The following OR1J2 variants were observed in gnomAD, a reference collection of about 807,000 sequenced individuals.
OR1J2 encodes olfactory receptor family 1 subfamily J member 2.
For missense variants in OR1J2, 304 were observed against 246.1 expected (o/e 1.24, Z -1.57); for synonymous variants, 142 against 99.7 (o/e 1.42, Z -2.52).
the OR1J2 span, among the ~76,000 whole-genome samples, chr9:122,532,791 G>T: frequency 1.3e-5 from 2 of 152,258 alleles, no homozygotes; most frequent in Admixed American, 6.5e-5. Context: ...AGGCTACAGG[G>T]TGCGGTCCCG....
chr9:122,457,952 A>C, the OR1J2 span, among the ~76,000 whole-genome samples: 2 of 152,212 alleles, frequency 1.3e-5, no homozygotes, highest in African/African-American at 2.4e-5. Flanking sequence ...TCTTATACTT[A>C]AGACTGTACA....
At chr9:122,451,109 G>T in the OR1J2 span, among the ~76,000 whole-genome samples, 3 of 150,562 alleles carry the variant, frequency 2.0e-5, no homozygotes, top group African/African-American at 7.3e-5. Flanking sequence ...ATCTTTTTTA[G>T]TTGGACTATC....
the OR1J2 span, among the ~76,000 whole-genome samples, chr9:122,570,349 A>G: frequency 3.9e-5 from 6 of 152,178 alleles, no homozygotes; most frequent in African/African-American, 1.4e-4. Context: ...CTGTGAAACA[A>G]CTTCTTTACA....
chr9:122,456,427 G>A, the OR1J2 span, among the ~76,000 whole-genome samples: 3 of 152,136 alleles, frequency 2.0e-5, no homozygotes, highest in African/African-American at 7.2e-5. Context: ...AATCTGCCAA[G>A]ACAGGGGAAC....
the OR1J2 span, among the ~76,000 whole-genome samples, chr9:122,517,956 A>G: frequency 1.3e-5 from 2 of 152,116 alleles, no homozygotes; most frequent in African/African-American, 4.8e-5. Context: ...AAGTGAGAAC[A>G]TGTGTTGTTT....
At chr9:122,453,750 C>T in the OR1J2 span, among the ~76,000 whole-genome samples, 1 of 152,222 alleles carries the variant, frequency 6.6e-6, no homozygotes, top group East Asian at 1.9e-4. Flanking sequence ...TTTCCAAACA[C>T]ATTACCATAT....
the OR1J2 span, chr9:122,553,347 C>A: frequency 3.1e-6 from 5 of 1,613,990 alleles, no homozygotes; most frequent in East Asian, 4.5e-5. Flanking sequence ...GGTGGGGAAC[C>A]TGCTCATTAT....
the OR1J2 span, among the ~76,000 whole-genome samples, chr9:122,458,604 C>G: frequency 2.6e-5 from 4 of 152,194 alleles, no homozygotes; most frequent in Non-Finnish European, 5.9e-5. Context: ...ATAAAACCAT[C>G]GTATCTCGTG....
chr9:122,516,176 T>C (rs892695180), downstream of OR1J2, among the ~76,000 whole-genome samples: 1 of 152,144 alleles, frequency 6.6e-6, no homozygotes, highest in Admixed American at 6.5e-5. Flanking sequence ...CTTCAAAACC[T>C]GTGCTTTGTC....
the OR1J2 span, among the ~76,000 whole-genome samples, chr9:122,487,076 A>G: frequency 3.3e-5 from 5 of 152,146 alleles, no homozygotes; most frequent in East Asian, 5.8e-4. Context: ...GTTGATACCT[A>G]TATTCCATCA....
chr9:122,473,066 T>C, the OR1J2 span, among the ~76,000 whole-genome samples: 7 of 152,210 alleles, frequency 4.6e-5, no homozygotes, highest in Admixed American at 3.3e-4. Context: ...CTTTATCTTA[T>C]CCATTTCTTT....
At chr9:122,500,066 A>C in the OR1J2 span, among the ~76,000 whole-genome samples, 30 of 152,346 alleles carry the variant, frequency 2.0e-4, no homozygotes, top group East Asian at 5.6e-3. Context: ...GTTCTAGAGC[A>C]GGTGCTCCAA....
the OR1J2 span, chr9:122,527,114 G>A: frequency 6.2e-7 from 1 of 1,614,212 alleles, no homozygotes; most frequent in Non-Finnish European, 8.5e-7. Flanking sequence ...GGTTGGCCAA[G>A]AAAAAGTACA....
the OR1J2 span, among the ~76,000 whole-genome samples, chr9:122,554,882 A>G: frequency 3.3e-5 from 5 of 152,224 alleles, no homozygotes; most frequent in Non-Finnish European, 7.3e-5. Flanking sequence ...TAACTACACC[A>G]TCCGTTCTCT....
chr9:122,567,738 G>A, the OR1J2 span: 13 of 1,614,108 alleles, frequency 8.1e-6, no homozygotes, highest in African/African-American at 6.7e-5. Context: ...CGTCACCACG[G>A]TGAGGTAAAA....
At chr9:122,537,203 C>T in the OR1J2 span, among the ~76,000 whole-genome samples, 1 of 152,248 alleles carries the variant, frequency 6.6e-6, no homozygotes, top group Non-Finnish European at 1.5e-5. Flanking sequence ...GGTGGTACGT[C>T]ACAGGGGCTG....
the OR1J2 span, among the ~76,000 whole-genome samples, chr9:122,517,776 T>TA: frequency 5.3e-5 from 8 of 152,048 alleles, no homozygotes; most frequent in Admixed American, 1.3e-4. Context: ...GTTACACAGG[T>TA]AAACGTGTGC....
the OR1J2 span, among the ~76,000 whole-genome samples, chr9:122,549,170 G>A: frequency 6.6e-6 from 1 of 151,956 alleles, no homozygotes; most frequent in South Asian, 2.1e-4. Flanking sequence ...CTCATGAATG[G>A]CTTGGTGCTC....
At chr9:122,567,250 T>G in the OR1J2 span, 1 of 248,060 alleles carries the variant, frequency 4.0e-6, no homozygotes, top group Non-Finnish European at 7.7e-6. Context: ...GGAGAGAAAT[T>G]TGTTTAGGAA....
Sources: allele counts gnomAD v4.1 joint callset (sites outside exome capture counted in the v4.1 genomes callset), GRCh38; gene constraint gnomAD v4.1.1; transcripts MANE v1.5; gene names NCBI Gene and HGNC (gene_info 2026-07-23, HGNC 2026-07-21).